The following CPEB4 variants were observed in gnomAD, a reference collection of about 807,000 sequenced individuals.
The protein encoded by CPEB4 is cytoplasmic polyadenylation element binding protein 4, also known as cytoplasmic polyadenylation element-binding protein 4.
In CPEB4, 12 loss-of-function variants were observed where a neutral mutation model predicts 72.5. The observed-to-expected ratio is 0.17, with a 90% CI of 0.11 to 0.27. CPEB4 has a LOEUF of 0.27. CPEB4 is among the 10% of genes least tolerant of loss of function. The pLI is 1.00. For missense variants in CPEB4, 614 were observed against 908.5 expected (o/e 0.68, Z 4.17); for synonymous variants, 302 against 326.3 (o/e 0.93, Z 0.80).
chr5:173,945,079 A>G lies in CPEB4; in HGVS notation c.1395A>G (p.Glu465=). ...ACTGCTTCAGTCACCAGAATGGGGA[A>G]AGAGTGGAACGATATTCTCGAAAGG... ...SPHCFSHQNG[E]RVERYSRKVF... is the part of the protein sequence containing the mutation. The change falls in exon 5 of 10, where the codon GAA becomes GAG. Residue 465 remains glutamate, a synonymous_variant. Coordinates refer to ENST00000265085, the MANE Select transcript of CPEB4 (RefSeq NM_030627.4). The G allele has an allele frequency of 6.2e-7, 1 of 1,614,084 alleles. No individual in the cohort carries two copies. Among genetic ancestry groups the G allele is most frequent in the South Asian group, 1.1e-5 (1 of 91,082 alleles).
chr5:173,934,762 G>A (rs1287520038), intron 3 of CPEB4, among the ~76,000 whole-genome samples: 1 of 152,216 alleles, frequency 6.6e-6, no homozygotes, highest in Non-Finnish European at 1.5e-5. Flanking sequence ...TAGAGCAGAA[G>A]ATTGCTTGAA....
intron 1 of CPEB4, among the ~76,000 whole-genome samples, chr5:173,897,750 A>T (rs1212765737): frequency 6.6e-6 from 1 of 152,222 alleles, no homozygotes; most frequent in Non-Finnish European, 1.5e-5. Context: ...TGTGTTTATA[A>T]ATATATGCTT....
chr5:173,911,508 C>T (rs769217229), intron 2 of CPEB4, among the ~76,000 whole-genome samples: 22 of 151,998 alleles, frequency 1.4e-4, no homozygotes, highest in Non-Finnish European at 2.6e-4. Context: ...ATGATCTGCC[C>T]GCCTCGGCCT....
intron 2 of CPEB4, among the ~76,000 whole-genome samples, chr5:173,919,440 A>G (rs1282099005): frequency 6.6e-6 from 1 of 152,214 alleles, no homozygotes; most frequent in Non-Finnish European, 1.5e-5. Flanking sequence ...ATGGGGATAC[A>G]TGTCATTCAT....
At chr5:173,928,620 T>C (rs191147189) in intron 2 of CPEB4, among the ~76,000 whole-genome samples, 7 of 152,282 alleles carry the variant, frequency 4.6e-5, no homozygotes, top group South Asian at 4.1e-4. Flanking sequence ...GGGAGGGGAT[T>C]ATCAACTAGC....
At chr5:173,906,933 G>A (rs1271619229) in intron 1 of CPEB4, among the ~76,000 whole-genome samples, 1 of 152,190 alleles carries the variant, frequency 6.6e-6, no homozygotes, top group Non-Finnish European at 1.5e-5. Context: ...GGAGGAAAGT[G>A]TGGAATAGTT....
chr5:173,890,822 T>A lies in CPEB4; in HGVS notation c.1089T>A (p.Asp363Glu). 3.1e-6 allele frequency: 5 copies of A among 1,613,924 alleles called. No individual in the cohort carries two copies. The highest frequency in any genetic ancestry group is 3.4e-6 in the Non-Finnish European group (4 of 1,179,858). Residue 363 changes from aspartate (D) to glutamate (E), a missense_variant, in exon 1 of 10, where the codon GAT (aspartate) becomes GAA (glutamate). Coordinates refer to ENST00000265085, the MANE Select transcript of CPEB4 (RefSeq NM_030627.4). ...TTGCACCTAAATCCTGGATGGAAGA[T>A]AGCTTGAACAGGGCTGACAACATTT... ...SAFAPKSWME[D>E]SLNRADNIFP...
At chr5:173,914,531 G>A (rs754336475) in intron 2 of CPEB4, among the ~76,000 whole-genome samples, 19 of 152,184 alleles carry the variant, frequency 1.2e-4, no homozygotes, top group Non-Finnish European at 4.4e-5. Context: ...CCAGGTGGGT[G>A]CATCACCTGA....
intron 2 of CPEB4, among the ~76,000 whole-genome samples, chr5:173,931,112 C>T (rs1419798000): frequency 1.3e-5 from 2 of 152,092 alleles, no homozygotes; most frequent in African/African-American, 2.4e-5. Flanking sequence ...TCTTTTCATG[C>T]CATGAGTTCA....
At chr5:173,939,478 A>G (rs1342596179) in intron 3 of CPEB4, among the ~76,000 whole-genome samples, 1 of 152,164 alleles carries the variant, frequency 6.6e-6, no homozygotes, top group Admixed American at 6.5e-5. Flanking sequence ...TTTTTATGGG[A>G]TAAATAATAT....
At chr5:173,904,972 GATAATA>G (rs370259283) in intron 1 of CPEB4, among the ~76,000 whole-genome samples, 7,618 of 125,118 alleles carry the variant, frequency 0.061, 256 homozygotes, top group Middle Eastern at 0.14. Context: ...CCCTGTCTCA[GATAATA>G]ATAATAATAA....
rs1755704663 is a variant in CPEB4, at chr5:173,888,919, G to C, written c.-815G>C. 1.1e-5 allele frequency: 2 copies of C among 181,010 alleles called. No homozygotes were observed. The highest frequency in any genetic ancestry group is 3.9e-4 in the South Asian group (2 of 5,118). 11.2% of individuals were successfully genotyped at this position (181,010 alleles called of 1,614,324 possible). On this transcript the variant is annotated 5_prime_UTR_variant, in exon 1 of 10. Transcript: ENST00000265085. This position sits in a 1 kb window ranked among gnomAD's most constrained non-coding sequence, Gnocchi z 4.3. ...ACCCCCGCAAGAGGGAGAAACGGGT[G>C]TTTCCAACCCCTTTCATGGGGGAGA...
intron 3 of CPEB4, among the ~76,000 whole-genome samples, chr5:173,941,394 CAAAT>C (rs2113266370): frequency 6.6e-6 from 1 of 152,264 alleles, no homozygotes; most frequent in African/African-American, 2.4e-5. Flanking sequence ...TCCATTTGCT[CAAAT>C]ACTTTGGTGA....
intron 1 of CPEB4, among the ~76,000 whole-genome samples, chr5:173,895,024 A>G (rs780929965): frequency 1.3e-5 from 2 of 152,248 alleles, no homozygotes; most frequent in Non-Finnish European, 2.9e-5. Context: ...CACATGTTAT[A>G]TACCAGGCAC....
Position 173,959,567 on chromosome 5 carries a change from G to T in CPEB4, c.*3430G>T, listed in dbSNP as rs1758484547. The T allele has an allele frequency of 6.5e-6, 1 of 152,676 alleles. No individual in the cohort carries two copies. The highest frequency in any genetic ancestry group is 2.1e-4 in the South Asian group (1 of 4,828). 9.5% of individuals were successfully genotyped at this position (152,676 alleles called of 1,614,324 possible). Reference sequence around the variant, plus strand: ...TATTTCAAACTTTTGAAAGATCTTTGCAGTGTAATTCTTTGTTTTTAATTG... The same window carrying T: ...TATTTCAAACTTTTGAAAGATCTTTTCAGTGTAATTCTTTGTTTTTAATTG... On this transcript the variant is annotated 3_prime_UTR_variant, in exon 10 of 10. Coordinates refer to ENST00000265085, the MANE Select transcript of CPEB4 (RefSeq NM_030627.4).
Position 173,953,166 on chromosome 5 carries a change from A to C in CPEB4, c.1856A>C (p.Lys619Thr). ...GGGATTGATACCGACCCTGAGCTAA[A>C]ATACCCAAAAGGAGCTGGGAGAGTT... ...YAGIDTDPELKYPKGAGRVAF... is the reference protein window; with the variant it reads ...YAGIDTDPELTYPKGAGRVAF... Residue 619 changes from lysine to threonine, a missense_variant, in exon 9 of 10, where the codon AAA becomes ACA. Around this residue, in one of 5 missense-constraint regions of CPEB4, gnomAD observed 101 missense variants for 243.1 expected, o/e 0.42. Coordinates refer to ENST00000265085, the MANE Select transcript of CPEB4 (RefSeq NM_030627.4). The C allele has an allele frequency of 1.2e-6, 2 of 1,613,926 alleles. No homozygotes were observed. The highest frequency in any genetic ancestry group is 1.7e-6 in the Non-Finnish European group (2 of 1,179,858).
intron 3 of CPEB4, among the ~76,000 whole-genome samples, chr5:173,937,010 A>G (rs992120720): frequency 7.6e-6 from 1 of 131,514 alleles, no homozygotes; most frequent in African/African-American, 2.9e-5. Context: ...ACAGAACAAC[A>G]TTTCTTTCCT....
chr5:173,915,289 C>T (rs1438761635), intron 2 of CPEB4, among the ~76,000 whole-genome samples: 1 of 151,804 alleles, frequency 6.6e-6, no homozygotes, highest in East Asian at 1.9e-4. Context: ...TTTCATAATT[C>T]GTATTAGGTT....
intron 3 of CPEB4, among the ~76,000 whole-genome samples, chr5:173,936,533 G>A (rs1179837076): frequency 6.6e-6 from 1 of 152,170 alleles, no homozygotes; most frequent in Non-Finnish European, 1.5e-5. Context: ...ACATAATTCA[G>A]CCCATAATAG....
Sources: allele counts gnomAD v4.1 joint callset (sites outside exome capture counted in the v4.1 genomes callset), GRCh38; gene constraint gnomAD v4.1.1; regional missense constraint gnomAD v4.1.1; non-coding constraint Gnocchi (gnomAD v3.1); transcripts MANE v1.5; gene names NCBI Gene and HGNC (gene_info 2026-07-23, HGNC 2026-07-21).